RAB11FIP3: variants seen among roughly 807,000 people sequenced by gnomAD.
RAB11FIP3 encodes the protein rab11 family-interacting protein 3.
In RAB11FIP3, 17 loss-of-function variants were observed where a neutral mutation model predicts 77.8. The observed-to-expected ratio is 0.22, with a 90% CI of 0.15 to 0.33. RAB11FIP3 has a LOEUF of 0.33. Ranked by LOEUF, RAB11FIP3 falls within the 10% of genes least tolerant of loss-of-function variation. The pLI is 1.00. For synonymous variants in RAB11FIP3, 437 were observed against 448.2 expected, an observed-to-expected ratio of 0.98 and a Z score of 0.31; for missense variants, 1,005 against 1,011.2, an observed-to-expected ratio of 0.99 and a Z score of 0.08.
At chr16:431,089 C>A (rs2055027664) in intron 1 of RAB11FIP3, among the ~76,000 whole-genome samples, 1 of 151,906 alleles carries the variant, frequency 6.6e-6, no homozygotes, top group African/African-American at 2.4e-5. Context: ...TGTGTGTGAG[C>A]AGTTACATAT....
intron 1 of RAB11FIP3, among the ~76,000 whole-genome samples, chr16:430,925 G>A (rs1052096308): frequency 1.3e-5 from 2 of 152,226 alleles, no homozygotes; most frequent in Non-Finnish European, 2.9e-5. Context: ...AGGCTCAAGC[G>A]ACCGTCCTCG....
intron 6 of RAB11FIP3, 182 bp downstream of exon 6, chr16:497,041 T>C: frequency 1.5e-6 from 1 of 678,788 alleles, no homozygotes; most frequent in Non-Finnish European, 2.3e-6. Flanking sequence ...TCCAGGGCTG[T>C]GAATTTGGAC....
intron 3 of RAB11FIP3, among the ~76,000 whole-genome samples, chr16:475,546 C>G (rs1451603492): frequency 6.6e-6 from 1 of 152,136 alleles, no homozygotes; most frequent in African/African-American, 2.4e-5. Flanking sequence ...GATGGCTGCC[C>G]TGGAAAACTC....
At chr16:519,121 A>G in intron 10 of RAB11FIP3, 97 bp downstream of exon 10, 1 of 1,315,028 alleles carries the variant, frequency 7.6e-7, no homozygotes, top group Non-Finnish European at 1.1e-6. Context: ...GCTGAGCGGG[A>G]TACTGTGCTG....
At chr16:458,693 G>T (rs1446828477) in intron 1 of RAB11FIP3, among the ~76,000 whole-genome samples, 1 of 148,448 alleles carries the variant, frequency 6.7e-6, no homozygotes, top group African/African-American at 2.5e-5. Context: ...GCTCCTGCCA[G>T]CCTGTTGCCT....
chr16:519,793 C>T lies in RAB11FIP3; in HGVS notation c.1762C>T (p.Leu588=). 3.7e-6 allele frequency: 6 copies of T among 1,611,292 alleles called. No homozygotes were observed. The highest frequency in any genetic ancestry group is 4.2e-6 in the Non-Finnish European group (5 of 1,179,068). Residue 588 remains leucine, a synonymous_variant, in exon 11 of 14, where the codon CTG becomes TTG. Transcript: ENST00000262305. ...GTTGGATGAGATAGAGTCGCTGACG[C>T]TGCGGCTCAGTGAAGAGCAGGAGAA... ...KLLDEIESLT[L]RLSEEQENKR...
In RAB11FIP3 at chr16:522,242, TG is replaced by T. The variant is rs1287416678; in HGVS notation, c.*1404del. ...TTCAAGAGAAAACTGTGTATACACATGAAATATATATATATATATATATATA... is the reference window on the plus strand; with the variant it reads ...TTCAAGAGAAAACTGTGTATACACATAAATATATATATATATATATATATA... On this transcript the variant is annotated 3_prime_UTR_variant, in exon 14 of 14. Transcript: ENST00000262305. The T allele has an allele frequency of 1.2e-4, 14 of 121,204 alleles. No individual in the cohort carries two copies. In the Middle Eastern group the frequency reaches 0.013, roughly 116 times the overall value. 7.5% of individuals were successfully genotyped at this position (121,204 alleles called of 1,614,324 possible). A position where few individuals can be genotyped will look rare whatever the true frequency, so the allele number is the denominator to read the frequency against.
intron 7 of RAB11FIP3, 78 bp downstream of exon 7, chr16:503,175 C>T (rs2031626633): frequency 8.2e-7 from 1 of 1,221,696 alleles, no homozygotes; most frequent in Non-Finnish European, 1.2e-6. Flanking sequence ...TGCAGACACC[C>T]CGGGAGGTGG....
chr16:460,441 T>G (rs777206661), intron 1 of RAB11FIP3, among the ~76,000 whole-genome samples: 1 of 152,042 alleles, frequency 6.6e-6, no homozygotes, highest in Non-Finnish European at 1.5e-5. Flanking sequence ...GCCCAGGTAT[T>G]TTCTGTAATA....
In RAB11FIP3 at chr16:519,782, A is replaced by G. The variant is rs1282031819; in HGVS notation, c.1751A>G (p.Glu584Gly). 2 of 1,612,558 alleles carry G rather than the reference A, an allele frequency of 1.2e-6. No individual in the cohort carries two copies. The highest frequency in any genetic ancestry group is 1.1e-5 in the South Asian group (1 of 90,790). Reference sequence around the variant, plus strand: ...AAGCAGAAGCTGTTGGATGAGATAGAGTCGCTGACGCTGCGGCTCAGTGAA... The same window carrying G: ...AAGCAGAAGCTGTTGGATGAGATAGGGTCGCTGACGCTGCGGCTCAGTGAA... Reference protein sequence around the residue: ...EEKQKLLDEIESLTLRLSEEQ... With the variant: ...EEKQKLLDEIGSLTLRLSEEQ... The change falls in exon 11 of 14, where the codon GAG (glutamate) becomes GGG (glycine). Residue 584 changes from glutamate to glycine, a missense_variant. Transcript: ENST00000262305.
intron 3 of RAB11FIP3, among the ~76,000 whole-genome samples, chr16:473,929 G>A (rs369137252): frequency 6.6e-6 from 1 of 152,142 alleles, no homozygotes; most frequent in African/African-American, 2.4e-5. Context: ...ACGCCACGGA[G>A]CTAGAACCAT....
At position 471,566 on chromosome 16, in the gene RAB11FIP3, G is replaced by A. The variant is rs1298013737; in HGVS notation, c.903+177G>A. Among the ~76,000 whole-genome samples the A allele has an allele frequency of 1.3e-5, 2 of 152,012 alleles. No homozygotes were observed. The highest frequency in any genetic ancestry group is 2.9e-5 in the Non-Finnish European group (2 of 67,990). ...TGGCTGTGACGGGAGGCCCACAGTTGTCTGTCCCACACGCCCTGTCAGCCT... is the reference window on the plus strand; with the variant it reads ...TGGCTGTGACGGGAGGCCCACAGTTATCTGTCCCACACGCCCTGTCAGCCT... On this transcript the variant is annotated intron_variant, in intron 3 of 13. Transcript: ENST00000262305. This position sits in a 1 kb window ranked among gnomAD's most constrained non-coding sequence, Gnocchi z 4.4.
chr16:486,686 C>T (rs12921002), intron 4 of RAB11FIP3, among the ~76,000 whole-genome samples: 52,187 of 152,034 alleles, frequency 0.34, 11,072 homozygotes, highest in Middle Eastern at 0.49. Context: ...CTCAGTGTGA[C>T]GTTGCATGTG....
chr16:513,659 A>G (rs1336426308), intron 9 of RAB11FIP3, among the ~76,000 whole-genome samples: 1 of 152,220 alleles, frequency 6.6e-6, no homozygotes, highest in Non-Finnish European at 1.5e-5. Flanking sequence ...TATTCATAAG[A>G]GGATTTCAGG....
At chr16:493,380 C>A (rs1205751889) in intron 5 of RAB11FIP3, among the ~76,000 whole-genome samples, 5 of 152,034 alleles carry the variant, frequency 3.3e-5, no homozygotes, top group African/African-American at 1.2e-4. Flanking sequence ...CTGAATCTTG[C>A]GTTTTAGTTT....
chr16:494,007 C>T (rs2030862628), intron 5 of RAB11FIP3, among the ~76,000 whole-genome samples: 1 of 133,872 alleles, frequency 7.5e-6, no homozygotes, highest in South Asian at 2.9e-4. Flanking sequence ...GGGTTCACTC[C>T]ATTCTCCTGC....
rs1388620398 is a variant in RAB11FIP3, at chr16:472,190, T to C, written c.903+801T>C. ...TTTTTGAGTTGCTTTTGGACGCCAC[T>C]GTACCGTGGGAGCCATGGTATTATA... On this transcript the variant is annotated intron_variant, in intron 3 of 13. Coordinates refer to ENST00000262305, the MANE Select transcript of RAB11FIP3 (RefSeq NM_014700.4). The surrounding 1 kb of genome is among the most constrained non-coding windows in gnomAD (Gnocchi z 4.1). Among the ~76,000 whole-genome samples, 3 of 152,224 alleles carry C rather than the reference T, an allele frequency of 2.0e-5. No individual in the cohort carries two copies. Among genetic ancestry groups the C allele is most frequent in the Non-Finnish European group, 2.9e-5 (2 of 68,030 alleles).
intron 5 of RAB11FIP3, among the ~76,000 whole-genome samples, chr16:492,386 A>AG (rs1567391915): frequency 7.0e-6 from 1 of 143,392 alleles, no homozygotes; most frequent in African/African-American, 2.6e-5. Context: ...GAGGCCGCCC[A>AG]GAGCCCTCCC....
At chr16:519,341 C>T (rs557118253) in intron 10 of RAB11FIP3, among the ~76,000 whole-genome samples, 30 of 152,258 alleles carry the variant, frequency 2.0e-4, no homozygotes, top group Admixed American at 6.5e-5. Flanking sequence ...GGGGCTCCCA[C>T]ACCCCAGCTT....
Sources: gnomAD v4.1 joint callset for allele counts (sites outside exome capture counted in the v4.1 genomes callset) on GRCh38, gnomAD v4.1.1 for gene constraint, Gnocchi (gnomAD v3.1) non-coding constraint, MANE v1.5 for transcripts, NCBI Gene and HGNC (gene_info 2026-07-23, HGNC 2026-07-21) for gene names.